The following PTPRD variants were observed in gnomAD, a reference collection of about 807,000 sequenced individuals.
PTPRD encodes the protein protein tyrosine phosphatase receptor type D.
PTPRD carries 34 observed loss-of-function variants against 214.5 expected under a neutral mutation model. That is an observed-to-expected ratio of 0.16 (90% confidence interval 0.12 to 0.21). PTPRD has a LOEUF of 0.21. Ranked by LOEUF, PTPRD falls within the 10% of genes least tolerant of loss-of-function variation. The pLI is 1.00. For synonymous variants in PTPRD, 1,128 were observed against 845.7 expected, an observed-to-expected ratio of 1.33 and a Z score of -5.79; for missense variants, 2,545 against 2,398.7, an observed-to-expected ratio of 1.06 and a Z score of -1.27.
intron 14 of PTPRD, among the ~76,000 whole-genome samples, chr9:8,548,980 C>T (rs576738691): frequency 1.5e-4 from 23 of 151,986 alleles, no homozygotes; most frequent in Admixed American, 7.9e-4. Context: ...TGTGAGCCAC[C>T]GTGCCCGGGC....
chr9:9,503,495 A>G (rs1158793757), intron 8 of PTPRD, among the ~76,000 whole-genome samples: 2 of 151,682 alleles, frequency 1.3e-5, no homozygotes, highest in Non-Finnish European at 3.0e-5. Context: ...CATAACTGTA[A>G]GACCAGATGA....
intron 27 of PTPRD, 110 bp from the exon 28 acceptor site, chr9:8,486,459 C>CCAAAA (rs757008532): frequency 1.0e-6 from 1 of 979,652 alleles, no homozygotes; most frequent in Non-Finnish European, 1.6e-6. Context: ...TTCTTACTTA[C>CCAAAA]CAAAACAAAA....
At chr9:10,100,680 G>C (rs1256574549) in intron 3 of PTPRD, among the ~76,000 whole-genome samples, 1 of 151,420 alleles carries the variant, frequency 6.6e-6, no homozygotes, top group East Asian at 1.9e-4. Flanking sequence ...ATACATGTTG[G>C]AGCGTTACAG....
rs150117652 is a variant in PTPRD at position 9,226,568 on chromosome 9, G to A, written c.-202-43205C>T. 2.0e-3 allele frequency among the ~76,000 whole-genome samples: 304 copies of A among 151,966 alleles called. 2 individuals carry two copies. The highest frequency in any genetic ancestry group is 6.7e-3 in the African/African-American group (280 of 41,506). On this transcript the variant is annotated intron_variant, in intron 9 of 45. Coordinates refer to ENST00000381196, the MANE Select transcript of PTPRD (RefSeq NM_002839.4). Reference sequence around the variant, plus strand: ...ATGGAGGTTAAAAATATAAAAATGTGGGAAAGAGGAAGGAACATTGTATTG... The same window carrying A: ...ATGGAGGTTAAAAATATAAAAATGTAGGAAAGAGGAAGGAACATTGTATTG...
intron 14 of PTPRD, among the ~76,000 whole-genome samples, chr9:8,565,217 A>G (rs10739167): frequency 1 from 151,680 of 152,192 alleles, 75,586 homozygotes; most frequent in Middle Eastern, 1. Context: ...GGTGGGCTGG[A>G]GGACCGGGGA....
intron 39 of PTPRD, among the ~76,000 whole-genome samples, chr9:8,359,631 G>T (rs2077956997): frequency 6.6e-6 from 1 of 152,060 alleles, no homozygotes; most frequent in South Asian, 2.1e-4. Flanking sequence ...ACCCCACCCG[G>T]CCAGCTATTT....
intron 20 of PTPRD, 117 bp downstream of exon 20, chr9:8,521,160 A>G: frequency 8.3e-7 from 1 of 1,209,558 alleles, no homozygotes; most frequent in Non-Finnish European, 1.1e-6. Flanking sequence ...GGTTATACAC[A>G]CATTTAAAAT....
chr9:9,375,540 G>T (rs1377791693), intron 9 of PTPRD, among the ~76,000 whole-genome samples: 1 of 152,126 alleles, frequency 6.6e-6, no homozygotes. Context: ...AGGCTGCAGT[G>T]AGCCAAGATT....
rs1193581135 is a variant in PTPRD, at chr9:9,559,653, G to GCA, written c.-237+15077_-237+15078dup. Among the ~76,000 whole-genome samples, 13 of 152,312 alleles carry GCA rather than the reference G, an allele frequency of 8.5e-5. No individual in the cohort carries two copies. The East Asian group carries it at 1.2e-3, about 14-fold the overall frequency. Reference sequence around the variant, plus strand: ...AGACTATGACATATAGTGGAGCTATGCACATAGCCCTCCAGCAACACTGCG... The same window carrying GCA: ...AGACTATGACATATAGTGGAGCTATGCACACATAGCCCTCCAGCAACACTGCG... On this transcript the variant is annotated intron_variant, in intron 8 of 45. Coordinates refer to ENST00000381196, the MANE Select transcript of PTPRD (RefSeq NM_002839.4).
intron 2 of PTPRD, among the ~76,000 whole-genome samples, chr9:10,431,091 A>G (rs1246222696): frequency 6.6e-6 from 1 of 152,024 alleles, no homozygotes; most frequent in Non-Finnish European, 1.5e-5. Flanking sequence ...CAATGCAGAC[A>G]TTTCTCAGCT....
chr9:10,241,810 G>C (rs1254888550), intron 3 of PTPRD, among the ~76,000 whole-genome samples: 2 of 151,878 alleles, frequency 1.3e-5, no homozygotes, highest in African/African-American at 4.8e-5. Flanking sequence ...ATATCCAACT[G>C]TACACTTTAA....
At chr9:9,077,852 C>T (rs1019572077) in intron 10 of PTPRD, among the ~76,000 whole-genome samples, 1 of 152,010 alleles carries the variant, frequency 6.6e-6, no homozygotes, top group Non-Finnish European at 1.5e-5. Context: ...TTCAAATAGT[C>T]CCTCTGTGTA....
intron 33 of PTPRD, among the ~76,000 whole-genome samples, chr9:8,452,611 A>T (rs997969589): frequency 2.0e-5 from 3 of 152,166 alleles, no homozygotes; most frequent in Admixed American, 2.0e-4. Context: ...TTCTATTAAG[A>T]TTATAAAATG....
intron 10 of PTPRD, among the ~76,000 whole-genome samples, chr9:9,136,295 T>C (rs1006731976): frequency 3.3e-5 from 5 of 152,166 alleles, no homozygotes; most frequent in African/African-American, 4.8e-5. Context: ...GTTTTTAGAT[T>C]AACATGGCTT....
At chr9:10,303,970 T>C (rs183303575) in intron 3 of PTPRD, among the ~76,000 whole-genome samples, 213 of 152,212 alleles carry the variant, frequency 1.4e-3, no homozygotes, top group African/African-American at 4.8e-3. Context: ...AAAAAGATAA[T>C]TTCAGGCTAA....
At chr9:8,724,691 C>T (rs186851992) in intron 12 of PTPRD, among the ~76,000 whole-genome samples, 7 of 151,960 alleles carry the variant, frequency 4.6e-5, no homozygotes, top group Non-Finnish European at 8.8e-5. Context: ...CTCAGCACGT[C>T]GGGAGGCCAA....
chr9:9,309,799 A>C (rs866627511), intron 9 of PTPRD, among the ~76,000 whole-genome samples: 1 of 152,190 alleles, frequency 6.6e-6, no homozygotes, highest in South Asian at 2.1e-4. Context: ...GTATTTGTTA[A>C]AATTAGAATT....
chr9:9,143,321 G>A (rs1197260494), intron 10 of PTPRD, among the ~76,000 whole-genome samples: 1 of 152,200 alleles, frequency 6.6e-6, no homozygotes, highest in Non-Finnish European at 1.5e-5. Flanking sequence ...TGGTCAGTCA[G>A]TGGTTAGAAT....
chr9:9,626,312 A>G (rs940875944), intron 7 of PTPRD, among the ~76,000 whole-genome samples: 2 of 152,168 alleles, frequency 1.3e-5, no homozygotes, highest in African/African-American at 4.8e-5. Flanking sequence ...TGACGCTTGC[A>G]AAGTGGACTA....
Sources: allele counts gnomAD v4.1 joint callset (sites outside exome capture counted in the v4.1 genomes callset), GRCh38; gene constraint gnomAD v4.1.1; transcripts MANE v1.5; gene names NCBI Gene and HGNC (gene_info 2026-07-23, HGNC 2026-07-21).